The following TEX14 variants were observed in gnomAD, a reference collection of about 807,000 sequenced individuals.
TEX14 encodes the protein inactive serine/threonine-protein kinase TEX14.
TEX14 carries 168 observed loss-of-function variants against 178.6 expected under a neutral mutation model. The observed-to-expected ratio is 0.94, with a 90% confidence interval of 0.83 to 1.07. TEX14 has a LOEUF of 1.07. Among genes scored for constraint, TEX14 ranks in the 50% least tolerant of loss-of-function variants. TEX14 has a pLI of 0.00. For synonymous variants in TEX14, 626 were observed against 634.1 expected (o/e 0.99, Z 0.19); for missense variants, 1,730 against 1,753.6 (o/e 0.99, Z 0.24).
chr17:58,587,032 ACTTAT>A (rs1416487669), intron 17 of TEX14, among the ~76,000 whole-genome samples: 1 of 152,182 alleles, frequency 6.6e-6, no homozygotes, highest in African/African-American at 2.4e-5. Context: ...ACAGGTAATT[ACTTAT>A]CTTACTTGTT....
intron 1 of TEX14, chr17:58,675,467 G>C (rs1182650162): frequency 6.5e-6 from 1 of 153,388 alleles, no homozygotes; most frequent in Non-Finnish European, 1.5e-5. Flanking sequence ...ATGATATCCA[G>C]TTCTAAGTGT....
chr17:58,591,289 G>A (rs1204788547), intron 15 of TEX14, among the ~76,000 whole-genome samples: 1 of 152,180 alleles, frequency 6.6e-6, no homozygotes, highest in Non-Finnish European at 1.5e-5. Context: ...AGGCCAAGGT[G>A]GGTGGATCAC....
intron 1 of TEX14, among the ~76,000 whole-genome samples, chr17:58,674,303 G>A (rs544286720): frequency 6.7e-6 from 1 of 150,236 alleles, no homozygotes; most frequent in Non-Finnish European, 1.5e-5. Flanking sequence ...CCCTTGATTT[G>A]ACAGAATTGA....
chr17:58,599,757 A>C, intron 13 of TEX14, 91 bp from the exon 14 acceptor site: 1 of 231,930 alleles, frequency 4.3e-6, no homozygotes, highest in Non-Finnish European at 7.2e-6. Flanking sequence ...AAAGACTGTC[A>C]AAAAAAAAAA....
chr17:58,669,934 C>A (rs1693606283), intron 1 of TEX14, among the ~76,000 whole-genome samples: 1 of 152,162 alleles, frequency 6.6e-6, no homozygotes, highest in Admixed American at 6.5e-5. Flanking sequence ...CCATCCCACG[C>A]TCCTTGAGGC....
intron 2 of TEX14, among the ~76,000 whole-genome samples, chr17:58,632,180 G>A (rs535083192): frequency 8.5e-5 from 13 of 152,326 alleles, no homozygotes; most frequent in South Asian, 4.1e-4. Flanking sequence ...ACTGATGATC[G>A]GAAGCAAGAA....
chr17:58,648,404 C>A (rs925802270), intron 2 of TEX14, among the ~76,000 whole-genome samples: 2 of 152,152 alleles, frequency 1.3e-5, no homozygotes, highest in African/African-American at 4.8e-5. Context: ...GGCTCAGCTA[C>A]CCACTGTGGA....
In TEX14 at chr17:58,599,907, G is replaced by A. The variant is rs189284964; in HGVS notation, c.1679-241C>T. On this transcript the variant is annotated intron_variant, in intron 13 of 31. Coordinates refer to ENST00000349033, the MANE Select transcript of TEX14 (RefSeq NM_031272.5). ...GAGGCAGAAATTGTTGTCAGGGCAG[G>A]GGTCTAGCCATGGAGGAAATATTCT... Among the ~76,000 whole-genome samples the A allele has an allele frequency of 2.6e-5, 4 of 152,328 alleles. No homozygotes were observed. The East Asian group carries it at 7.7e-4, about 29-fold the overall frequency.
chr17:58,592,978 A>G (rs1442454519), intron 15 of TEX14, among the ~76,000 whole-genome samples: 2 of 152,162 alleles, frequency 1.3e-5, no homozygotes, highest in Non-Finnish European at 2.9e-5. Context: ...GCATGAATAC[A>G]TATACATATA....
chr17:58,612,332 T>C (rs760012513), intron 9 of TEX14, among the ~76,000 whole-genome samples: 55 of 152,232 alleles, frequency 3.6e-4, no homozygotes, highest in Non-Finnish European at 5.1e-4. Context: ...CTCGTACCTA[T>C]AATCCCAACA....
chr17:58,627,029 T>C (rs1412366366), intron 3 of TEX14, among the ~76,000 whole-genome samples: 1 of 152,146 alleles, frequency 6.6e-6, no homozygotes, highest in African/African-American at 2.4e-5. Context: ...TACAAAGCCA[T>C]AGGGGTTTGC....
At chr17:58,612,565 T>C (rs573536657) in intron 9 of TEX14, among the ~76,000 whole-genome samples, 111 of 151,522 alleles carry the variant, frequency 7.3e-4, no homozygotes, top group Non-Finnish European at 1.1e-3. Context: ...TGAAACCCCG[T>C]CTCTACTAAA....
At chr17:58,617,930 C>G (rs1207088651) in intron 5 of TEX14, among the ~76,000 whole-genome samples, 8 of 152,204 alleles carry the variant, frequency 5.3e-5, no homozygotes, top group Non-Finnish European at 8.8e-5. Context: ...AGGCGTCAGC[C>G]CTGATCTCTC....
chr17:58,627,769 C>CAAAA (rs34691705), intron 3 of TEX14, among the ~76,000 whole-genome samples: 11 of 66,954 alleles, frequency 1.6e-4, no homozygotes, highest in African/African-American at 2.1e-4. Flanking sequence ...GACTCTATCT[C>CAAAA]AAAAAAAAAA....
intron 19 of TEX14, among the ~76,000 whole-genome samples, chr17:58,582,882 G>T (rs1364149146): frequency 1.3e-5 from 2 of 151,416 alleles, no homozygotes; most frequent in African/African-American, 4.9e-5. Flanking sequence ...TATTTCTTTA[G>T]CATCTCTGCT....
At position 58,601,949 on chromosome 17, in the gene TEX14, G is replaced by A. The variant is rs758923513; in HGVS notation, c.1535C>T (p.Thr512Ile). Residue 512 changes from threonine (T) to isoleucine (I), a missense_variant, in exon 13 of 32, where the codon ACT becomes ATT. Transcript: ENST00000349033. ...GGTTGGTTGAGTTCTCTGGGCTCCA[G>A]TAAAATCCTGTAACACAGGAAATAT... is the stretch of plus-strand genomic sequence containing the variant. ...YILKNDLKDF[T>I]GAQRTQPTES... 1.2e-6 allele frequency: 2 copies of A among 1,612,868 alleles called. No individual in the cohort carries two copies. The highest frequency in any genetic ancestry group is 2.2e-5 in the South Asian group (2 of 91,010).
At chr17:58,609,710 C>A (rs2045700622) in intron 10 of TEX14, among the ~76,000 whole-genome samples, 1 of 152,182 alleles carries the variant, frequency 6.6e-6, no homozygotes, top group Admixed American at 6.5e-5. Flanking sequence ...TGCAGAGGGA[C>A]AAAAGGCACT....
At chr17:58,561,754 AT>A in intron 28 of TEX14, 142 bp from the exon 29 acceptor site, 1 of 613,210 alleles carries the variant, frequency 1.6e-6, no homozygotes, top group Non-Finnish European at 2.9e-6. Flanking sequence ...GCTCAGTGAG[AT>A]TGTGTCTGGA....
intron 1 of TEX14, among the ~76,000 whole-genome samples, chr17:58,664,061 C>T (rs2047165617): frequency 6.6e-6 from 1 of 152,168 alleles, no homozygotes; most frequent in South Asian, 2.1e-4. Flanking sequence ...AAAAAAACAA[C>T]AGCAAAAACC....
Sources: gnomAD v4.1 joint callset for allele counts (sites outside exome capture counted in the v4.1 genomes callset) on GRCh38, gnomAD v4.1.1 for gene constraint, MANE v1.5 for transcripts, NCBI Gene and HGNC (gene_info 2026-07-23, HGNC 2026-07-21) for gene names.